The following CNTFR variants were observed in gnomAD, a reference collection of about 807,000 sequenced individuals.
CNTFR encodes the protein ciliary neurotrophic factor receptor subunit alpha.
CNTFR carries 12 observed loss-of-function variants against 40.4 expected under a neutral mutation model. The observed-to-expected ratio is 0.30, with a 90% confidence interval of 0.19 to 0.48. The LOEUF (loss-of-function observed/expected upper bound fraction) is 0.48. Among genes scored for constraint, CNTFR ranks in the 20% least tolerant of loss-of-function variants. CNTFR has a pLI of 0.99. For missense variants in CNTFR, 414 were observed against 506.8 expected, an observed-to-expected ratio of 0.82 and a Z score of 1.76; for synonymous variants, 202 against 209.6, an observed-to-expected ratio of 0.96 and a Z score of 0.31.
Position 34,551,931 on chromosome 9 carries a change from G to A in CNTFR, c.*140C>T, listed in dbSNP as rs192773852. The A allele has an allele frequency of 7.9e-4, 569 of 722,568 alleles. 1 individual carries two copies. The African/African-American group carries it at 8.6e-3, about 11-fold the overall frequency. 44.8% of individuals were successfully genotyped at this position (722,568 alleles called of 1,614,324 possible). On this transcript the variant is annotated 3_prime_UTR_variant, in exon 10 of 10. Transcript: ENST00000378980. The stretch of plus-strand genomic sequence containing the variant: ...GGGGGGCGGCAGGCCCGGGCCCGCC[G>A]GGGTCTCCACAAATTGTGTCTGAAG...
intron 4 of CNTFR, among the ~76,000 whole-genome samples, chr9:34,559,211 G>C (rs954392219): frequency 6.6e-6 from 1 of 152,222 alleles, no homozygotes; most frequent in Non-Finnish European, 1.5e-5. Context: ...TGACACAGGG[G>C]AACAGTGGGC....
intron 1 of CNTFR, among the ~76,000 whole-genome samples, chr9:34,583,198 G>C (rs893127267): frequency 1.3e-5 from 2 of 152,122 alleles, no homozygotes; most frequent in Non-Finnish European, 2.9e-5. Flanking sequence ...TGGTGGAGGA[G>C]GCCATACTCC....
intron 4 of CNTFR, among the ~76,000 whole-genome samples, chr9:34,562,089 G>A (rs566015824): frequency 4.4e-4 from 67 of 152,312 alleles, no homozygotes; most frequent in African/African-American, 1.6e-3. Context: ...TCAAGAATGG[G>A]GGTCCAGGGT....
intron 3 of CNTFR, among the ~76,000 whole-genome samples, chr9:34,566,667 G>C (rs1049863921): frequency 6.6e-6 from 1 of 152,150 alleles, no homozygotes; most frequent in African/African-American, 2.4e-5. Context: ...CTGACCTTTG[G>C]GGAGGGGGCG....
At chr9:34,568,479 C>A (rs572009735) in intron 3 of CNTFR, among the ~76,000 whole-genome samples, 4 of 152,282 alleles carry the variant, frequency 2.6e-5, no homozygotes, top group African/African-American at 9.6e-5. Context: ...TGTCCCCATC[C>A]TCCGTCTGGG....
rs1825893029 is a variant in CNTFR at position 34,557,432 on chromosome 9, C to T, written c.604+94G>A. On this transcript the variant is annotated intron_variant, in intron 6 of 9. Coordinates refer to ENST00000378980, the MANE Select transcript of CNTFR (RefSeq NM_147164.3). This position sits in a 1 kb window ranked among gnomAD's most constrained non-coding sequence, Gnocchi z 4.2. ...CAGAGGCATGTACATGCCATGTATA[C>T]ATGTGCATGCATGTGGACATCCCCA... 1 of 1,391,532 alleles carries T rather than the reference C, an allele frequency of 7.2e-7. No homozygotes were observed. The allele number at this position is 1,391,532 out of a possible 1,614,324, so 86.2% of individuals were successfully genotyped here.
chr9:34,568,897 C>G lies in CNTFR; in HGVS notation c.85G>C (p.Glu29Gln), dbSNP rs1201925444. 5.0e-6 allele frequency: 8 copies of G among 1,587,692 alleles called. No individual in the cohort carries two copies. Among genetic ancestry groups the G allele is most frequent in the African/African-American group, 1.3e-5 (1 of 74,198 alleles). Residue 29 changes from glutamate (E) to glutamine (Q), a missense_variant and splice_region_variant, in exon 3 of 10, where the codon GAG (glutamate) becomes CAG (glutamine). Coordinates refer to ENST00000378980, the MANE Select transcript of CNTFR (RefSeq NM_147164.3). ...GCAGGCGGCTCCCGTGAGCACTCACCCTGTGGACTGTGTCTCTGGGCGTAG... is the reference window on the plus strand; with the variant it reads ...GCAGGCGGCTCCCGTGAGCACTCACGCTGTGGACTGTGTCTCTGGGCGTAG... Reference protein sequence around the residue: ...VVYAQRHSPQEAPHVQYERLG... With the variant: ...VVYAQRHSPQQAPHVQYERLG...
intron 1 of CNTFR, among the ~76,000 whole-genome samples, chr9:34,586,281 A>G (rs1827542651): frequency 6.6e-6 from 1 of 152,206 alleles, no homozygotes. Context: ...TAAGGGCTCA[A>G]CAGGCAATCC....
chr9:34,579,142 C>A (rs1180671984), intron 2 of CNTFR, among the ~76,000 whole-genome samples: 8 of 152,202 alleles, frequency 5.3e-5, no homozygotes, highest in Non-Finnish European at 1.0e-4. Flanking sequence ...ACACCAAGGG[C>A]CATACCCTCC....
intron 1 of CNTFR, among the ~76,000 whole-genome samples, chr9:34,587,150 C>T (rs1268436922): frequency 6.6e-6 from 1 of 152,186 alleles, no homozygotes; most frequent in Non-Finnish European, 1.5e-5. Flanking sequence ...TGAATGTGAG[C>T]TCCAGGACTG....
chr9:34,577,263 A>C (rs1050638679), intron 2 of CNTFR, among the ~76,000 whole-genome samples: 3 of 152,260 alleles, frequency 2.0e-5, no homozygotes, highest in Non-Finnish European at 2.9e-5. Flanking sequence ...CTCCAGGTGT[A>C]GCTGGGGCCC....
At chr9:34,580,904 C>T (rs1445210442) in intron 2 of CNTFR, among the ~76,000 whole-genome samples, 191 bp downstream of exon 2, 2 of 152,182 alleles carry the variant, frequency 1.3e-5, no homozygotes, top group Non-Finnish European at 2.9e-5. Context: ...AGGTAAGTCT[C>T]TTCCCTTTCT....
Position 34,589,281 on chromosome 9 carries a change from G to A in CNTFR, c.-112+274C>T, listed in dbSNP as rs1283979283. 6.6e-6 allele frequency among the ~76,000 whole-genome samples: 1 copy of A among 152,020 alleles called. No individual in the cohort carries two copies. Among genetic ancestry groups the A allele is most frequent in the African/African-American group, 2.4e-5 (1 of 41,404 alleles). On this transcript the variant is annotated intron_variant, in intron 1 of 9. Coordinates refer to ENST00000378980, the MANE Select transcript of CNTFR (RefSeq NM_147164.3). This position sits in a 1 kb window ranked among gnomAD's most constrained non-coding sequence, Gnocchi z 4.4. ...GGGGTGGGGAGAACAGGGACACTAG[G>A]ACAAACCGCCGGAGCCACCTCCCTC...
upstream of CNTFR, among the ~76,000 whole-genome samples, chr9:34,590,616 G>T (rs1037635767): frequency 2.0e-5 from 3 of 152,224 alleles, no homozygotes; most frequent in Non-Finnish European, 2.9e-5. Flanking sequence ...CGCGCCCCGA[G>T]GACACACAGC....
chr9:34,584,808 G>A (rs1354764593), intron 1 of CNTFR, among the ~76,000 whole-genome samples: 1 of 150,466 alleles, frequency 6.6e-6, no homozygotes, highest in African/African-American at 2.4e-5. Context: ...CACAGAATCG[G>A]TGTGATTGCT....
At chr9:34,579,750 A>G (rs1406376034) in intron 2 of CNTFR, among the ~76,000 whole-genome samples, 1 of 152,152 alleles carries the variant, frequency 6.6e-6, no homozygotes, top group Non-Finnish European at 1.5e-5. Context: ...CCTGGGAGAC[A>G]GCAGATATTC....
At chr9:34,561,790 C>T (rs1226143047) in intron 4 of CNTFR, among the ~76,000 whole-genome samples, 3 of 152,320 alleles carry the variant, frequency 2.0e-5, no homozygotes, top group Middle Eastern at 3.4e-3. Context: ...TCTCTTGTTA[C>T]TAATATAAAG....
intron 2 of CNTFR, among the ~76,000 whole-genome samples, chr9:34,575,460 G>C (rs886692639): frequency 6.6e-6 from 1 of 151,964 alleles, no homozygotes; most frequent in Admixed American, 6.5e-5. Context: ...GGCCCGAAGC[G>C]GACGCCGGGG....
upstream of CNTFR, among the ~76,000 whole-genome samples, chr9:34,590,574 G>T (rs923018169): frequency 2.6e-5 from 4 of 152,232 alleles, no homozygotes; most frequent in African/African-American, 9.6e-5. Context: ...CAGTGTCTCC[G>T]ATGACACCAA....
Sources: gnomAD v4.1 joint callset for allele counts (sites outside exome capture counted in the v4.1 genomes callset) on GRCh38, gnomAD v4.1.1 for gene constraint, Gnocchi (gnomAD v3.1) non-coding constraint, MANE v1.5 for transcripts, NCBI Gene and HGNC (gene_info 2026-07-23, HGNC 2026-07-21) for gene names.